TMEM132B: variants seen among roughly 807,000 people sequenced by gnomAD.
TMEM132B encodes transmembrane protein 132B.
Under a neutral mutation model 90.8 loss-of-function variants are expected in TMEM132B, and 18 were observed. The observed-to-expected ratio is 0.20, with a 90% CI of 0.14 to 0.29. The LOEUF (loss-of-function observed/expected upper bound fraction) is 0.29. TMEM132B is among the 10% of genes least tolerant of loss of function. The probability of loss-of-function intolerance (pLI) is 1.00; values close to 1 mark genes in which losing one functional copy is unlikely to be tolerated. For synonymous variants in TMEM132B, 504 were observed against 523.3 expected (o/e 0.96, Z 0.50); for missense variants, 1,096 against 1,326.8 (o/e 0.83, Z 2.70).
At chr12:125,218,048 A>G (rs1873477138) in intron 1 of TMEM132B, among the ~76,000 whole-genome samples, 1 of 152,240 alleles carries the variant, frequency 6.6e-6, no homozygotes, top group African/African-American at 2.4e-5. Context: ...CTTTTAATGC[A>G]TAAAGCAAGA....
At chr12:125,191,746 C>T (rs754446998) in intron 1 of TMEM132B, among the ~76,000 whole-genome samples, 32 of 152,194 alleles carry the variant, frequency 2.1e-4, no homozygotes, top group South Asian at 6.2e-4. Context: ...TTCTGTGCCC[C>T]TGAGTGATTA....
In TMEM132B at chr12:125,657,671, T is replaced by C. The variant is rs1887099682; in HGVS notation, c.*2961T>C. On this transcript the variant is annotated 3_prime_UTR_variant, in exon 9 of 9. Coordinates refer to ENST00000682704, the MANE Select transcript of TMEM132B (RefSeq NM_001366854.1). The stretch of plus-strand genomic sequence containing the variant: ...TTTGCCTGGATTTTCCAGGATTTTA[T>C]GGCTGATAGACCCAAATTATTAGTC... 6.6e-6 allele frequency: 1 copy of C among 152,198 alleles called. No individual in the cohort carries two copies. The highest frequency in any genetic ancestry group is 6.5e-5 in the Admixed American group (1 of 15,282). 9.4% of individuals were successfully genotyped at this position (152,198 alleles called of 1,614,324 possible).
chr12:125,522,703 C>T (rs1883338186), intron 4 of TMEM132B, among the ~76,000 whole-genome samples: 1 of 152,152 alleles, frequency 6.6e-6, no homozygotes, highest in East Asian at 1.9e-4. Flanking sequence ...CCACCATGAA[C>T]TGTAGGAGTG....
chr12:125,237,421 A>G (rs1873961514), intron 1 of TMEM132B, among the ~76,000 whole-genome samples: 1 of 152,144 alleles, frequency 6.6e-6, no homozygotes, highest in Non-Finnish European at 1.5e-5. Flanking sequence ...CCTAGATGTG[A>G]TAGCTTGCCA....
chr12:125,279,600 C>G (rs1875101947), intron 1 of TMEM132B, among the ~76,000 whole-genome samples: 1 of 152,148 alleles, frequency 6.6e-6, no homozygotes, highest in Non-Finnish European at 1.5e-5. Flanking sequence ...TTGTGTGACC[C>G]TCATGGGAGG....
chr12:125,508,231 G>A (rs574729928), intron 3 of TMEM132B, among the ~76,000 whole-genome samples: 51 of 152,228 alleles, frequency 3.4e-4, no homozygotes, highest in African/African-American at 7.7e-4. Context: ...AATATCTGCG[G>A]CCTTTACATT....
chr12:125,591,124 A>G (rs746542454), intron 5 of TMEM132B, among the ~76,000 whole-genome samples: 10 of 152,154 alleles, frequency 6.6e-5, no homozygotes, highest in Non-Finnish European at 1.5e-4. Flanking sequence ...TTTTCCCATC[A>G]GGGAATGAAT....
intron 5 of TMEM132B, among the ~76,000 whole-genome samples, chr12:125,639,139 C>G (rs930885405): frequency 3.9e-5 from 6 of 152,124 alleles, no homozygotes; most frequent in Non-Finnish European, 4.4e-5. Context: ...GCTATGTCAT[C>G]CTGTCATCTC....
chr12:125,508,937 C>T (rs1412997193), intron 3 of TMEM132B, among the ~76,000 whole-genome samples: 4 of 151,856 alleles, frequency 2.6e-5, no homozygotes, highest in East Asian at 1.9e-4. Flanking sequence ...GTGTGCACCA[C>T]CACGCCTGGC....
chr12:125,268,356 C>T (rs991048812), intron 1 of TMEM132B, among the ~76,000 whole-genome samples: 1 of 152,204 alleles, frequency 6.6e-6, no homozygotes, highest in Non-Finnish European at 1.5e-5. Flanking sequence ...CAGATTAACC[C>T]ATGCATGAGG....
intron 1 of TMEM132B, among the ~76,000 whole-genome samples, chr12:125,233,424 G>C (rs1161648156): frequency 6.6e-6 from 1 of 152,142 alleles, no homozygotes; most frequent in South Asian, 2.1e-4. Context: ...CACCTTCCAG[G>C]CAGGCCCTGG....
chr12:125,205,063 G>A (rs1376892996), intron 1 of TMEM132B, among the ~76,000 whole-genome samples: 1 of 113,336 alleles, frequency 8.8e-6, no homozygotes, highest in African/African-American at 3.5e-5. Flanking sequence ...TTAGCCCTTT[G>A]TGTGGAGTAT....
intron 1 of TMEM132B, among the ~76,000 whole-genome samples, chr12:125,284,162 T>G (rs1451003852): frequency 1.3e-5 from 2 of 152,172 alleles, no homozygotes; most frequent in Non-Finnish European, 2.9e-5. Context: ...GTTTAGTGAA[T>G]TTTTCTGCAT....
In TMEM132B at chr12:125,406,834, G is replaced by A. The variant is rs997335817; in HGVS notation, c.960-8697G>A. 5.9e-5 allele frequency among the ~76,000 whole-genome samples: 9 copies of A among 152,286 alleles called. No individual in the cohort carries two copies. The highest frequency in any genetic ancestry group is 1.3e-4 in the Admixed American group (2 of 15,292). ...AGAAGGACTCAAAGAACTCAGAAAC[G>A]CTGTTGTACTTATAAATATTGTTTA... On this transcript the variant is annotated intron_variant, in intron 2 of 8. Coordinates refer to ENST00000682704, the MANE Select transcript of TMEM132B (RefSeq NM_001366854.1). This position sits in a 1 kb window ranked among gnomAD's most constrained non-coding sequence, Gnocchi z 8.3.
chr12:125,540,324 G>T (rs1883920111), intron 4 of TMEM132B, among the ~76,000 whole-genome samples: 1 of 152,114 alleles, frequency 6.6e-6, no homozygotes, highest in Non-Finnish European at 1.5e-5. Context: ...AGTTGGTCAA[G>T]GTGGTTGATT....
At chr12:125,624,536 T>G (rs887262422) in intron 5 of TMEM132B, among the ~76,000 whole-genome samples, 1 of 152,168 alleles carries the variant, frequency 6.6e-6, no homozygotes, top group African/African-American at 2.4e-5. Context: ...CAAAGGTGAC[T>G]GGGGATTCCT....
rs187808513 is a variant in TMEM132B, at chr12:125,302,526, C to T, written c.68-46926C>T. Among the ~76,000 whole-genome samples the T allele has an allele frequency of 2.0e-5, 3 of 152,218 alleles. No homozygotes were observed. In the East Asian group the frequency reaches 5.8e-4, roughly 29 times the overall value. On this transcript the variant is annotated intron_variant, in intron 1 of 8. Coordinates refer to ENST00000682704, the MANE Select transcript of TMEM132B (RefSeq NM_001366854.1). The stretch of plus-strand genomic sequence containing the variant: ...ACAGCACTATTGTGGAAAGGGATAG[C>T]CAGTACAGACACACAATCTATAACT...
At position 125,480,713 on chromosome 12, in the gene TMEM132B, T is replaced by G. The variant is rs183696736; in HGVS notation, c.1107-38726T>G. ...GAGCTAGTACCATTCCTTCTGAAAC[T>G]ATTCCAATCAATAGAAAAAGAGGGA... On this transcript the variant is annotated intron_variant, in intron 3 of 8. Transcript: ENST00000682704. Among the ~76,000 whole-genome samples, 771 of 152,328 alleles carry G rather than the reference T, an allele frequency of 5.1e-3. 2 individuals are homozygous for G. Among genetic ancestry groups the G allele is most frequent in the African/African-American group, 0.018 (728 of 41,570 alleles).
chr12:125,659,341 A>C lies in TMEM132B; in HGVS notation c.*4631A>C, dbSNP rs180857108. The C allele has an allele frequency of 6.6e-6, 1 of 152,348 alleles. No individual in the cohort carries two copies. The highest frequency in any genetic ancestry group is 1.9e-4 in the East Asian group (1 of 5,176). The allele number at this position is 152,348 out of a possible 1,614,324, so 9.4% of individuals were successfully genotyped here. A position where few individuals can be genotyped will look rare whatever the true frequency, so the allele number is the denominator to read the frequency against. ...ATGTTGAAAGTCAGTGCTGAAATGCATGATGCTGCGGGTGTTTGAGAGCCT... is the reference window on the plus strand; with the variant it reads ...ATGTTGAAAGTCAGTGCTGAAATGCCTGATGCTGCGGGTGTTTGAGAGCCT... On this transcript the variant is annotated 3_prime_UTR_variant, in exon 9 of 9. Coordinates refer to ENST00000682704, the MANE Select transcript of TMEM132B (RefSeq NM_001366854.1).
Sources: allele counts gnomAD v4.1 joint callset (sites outside exome capture counted in the v4.1 genomes callset), GRCh38; gene constraint gnomAD v4.1.1; non-coding constraint Gnocchi (gnomAD v3.1); transcripts MANE v1.5; gene names NCBI Gene and HGNC (gene_info 2026-07-23, HGNC 2026-07-21).